The following NDRG1 variants were observed in gnomAD, a reference collection of about 807,000 sequenced individuals.
The protein encoded by NDRG1 is protein NDRG1.
A neutral mutation model predicts 56.9 loss-of-function variants in NDRG1; 32 were observed. The ratio of observed to expected loss-of-function variants is 0.56; its 90% CI spans 0.42 to 0.76. NDRG1 has a LOEUF of 0.76. Ranked by LOEUF, NDRG1 falls within the 30% of genes least tolerant of loss-of-function variation. NDRG1 has a pLI of 0.00. For missense variants in NDRG1, 507 were observed against 545.7 expected, an observed-to-expected ratio of 0.93 and a Z score of 0.71; for synonymous variants, 211 against 204.1, an observed-to-expected ratio of 1.03 and a Z score of -0.29.
At chr8:133,244,731 AG>A in intron 13 of NDRG1, 1 of 472,748 alleles carries the variant, frequency 2.1e-6, no homozygotes. Context: ...GGGACTCGCA[AG>A]GTTCCAGGCC....
At chr8:133,289,108 G>T (rs955916424) in intron 1 of NDRG1, among the ~76,000 whole-genome samples, 2 of 152,104 alleles carry the variant, frequency 1.3e-5, no homozygotes, top group Non-Finnish European at 2.9e-5. Context: ...GAGAGACAGG[G>T]TCTTGCTATG....
intron 14 of NDRG1, among the ~76,000 whole-genome samples, 176 bp from the exon 15 acceptor site, chr8:133,242,250 C>T (rs747109238): frequency 6.6e-6 from 1 of 152,198 alleles, no homozygotes; most frequent in African/African-American, 2.4e-5. Flanking sequence ...ATGGGAAATT[C>T]ACCCCACAGC....
chr8:133,278,582 AGGCAGAGCTAGG>A (rs1857589297), intron 3 of NDRG1, among the ~76,000 whole-genome samples: 3 of 152,162 alleles, frequency 2.0e-5, no homozygotes, highest in Admixed American at 6.5e-5. Flanking sequence ...CTTCCTGGTC[AGGCAGAGCTAGG>A]TGTGGCTCCC....
At chr8:133,273,074 G>T (rs1857274952) in intron 3 of NDRG1, among the ~76,000 whole-genome samples, 1 of 152,176 alleles carries the variant, frequency 6.6e-6, no homozygotes, top group Non-Finnish European at 1.5e-5. Flanking sequence ...CCAGAGCCCT[G>T]CCCGGCCCTG....
At chr8:133,262,781 CT>C (rs1341594422) in intron 4 of NDRG1, among the ~76,000 whole-genome samples, 2 of 152,178 alleles carry the variant, frequency 1.3e-5, no homozygotes, top group Admixed American at 1.3e-4. Flanking sequence ...GGCCGATAGC[CT>C]GTGACCGTCA....
At chr8:133,287,660 C>G (rs956883076) in intron 1 of NDRG1, among the ~76,000 whole-genome samples, 29 of 152,206 alleles carry the variant, frequency 1.9e-4, no homozygotes, top group Non-Finnish European at 5.9e-5. Flanking sequence ...ATCCTCAGCT[C>G]AGCACTGCTG....
chr8:133,278,703 GCTGGCAAGCTCTCAGCACAGCAC>G (rs1857597068), intron 3 of NDRG1, among the ~76,000 whole-genome samples: 1 of 152,060 alleles, frequency 6.6e-6, no homozygotes, highest in Non-Finnish European at 1.5e-5. Context: ...TGAGATATTG[GCTGGCAAGCTCTCAGCACAGCAC>G]CTGGCAGGTA....
At chr8:133,248,810 C>T (rs200758260) in intron 10 of NDRG1, 39 bp from the exon 11 acceptor site, 6 of 1,613,070 alleles carry the variant, frequency 3.7e-6, no homozygotes, top group African/African-American at 1.3e-5. Flanking sequence ...GAGGACCCCT[C>T]CCCTGGAGAA....
At chr8:133,289,563 A>C (rs1446458376) in intron 1 of NDRG1, among the ~76,000 whole-genome samples, 1 of 152,192 alleles carries the variant, frequency 6.6e-6, no homozygotes, top group Non-Finnish European at 1.5e-5. Flanking sequence ...AAGAGGGGCT[A>C]CACAAATACC....
intron 3 of NDRG1, among the ~76,000 whole-genome samples, chr8:133,279,649 T>C (rs996620875): frequency 1.3e-5 from 2 of 152,180 alleles, no homozygotes; most frequent in Non-Finnish European, 2.9e-5. Context: ...CAGCACAGCA[T>C]GGGACCCACC....
chr8:133,274,510 G>T (rs1389106798), intron 3 of NDRG1, among the ~76,000 whole-genome samples: 2 of 152,208 alleles, frequency 1.3e-5, no homozygotes, highest in Admixed American at 6.5e-5. Context: ...CCCAGGGCAA[G>T]AACTGCCCAG....
chr8:133,296,646 AACCCCTCATCTACAC>A (rs1858781447), intron 1 of NDRG1: 2 of 344,486 alleles, frequency 5.8e-6, no homozygotes, highest in Admixed American at 5.6e-5. Context: ...CACCTCTACC[AACCCCTCATCTACAC>A]ACTCGCGCGC....
At chr8:133,267,981 G>A (rs1010255836) in intron 3 of NDRG1, among the ~76,000 whole-genome samples, 6 of 152,112 alleles carry the variant, frequency 3.9e-5, no homozygotes, top group East Asian at 1.9e-4. Flanking sequence ...GGCAGCCCCC[G>A]GAGTTGCGAG....
chr8:133,296,230 G>A (rs1458798509), intron 1 of NDRG1, among the ~76,000 whole-genome samples: 1 of 151,852 alleles, frequency 6.6e-6, no homozygotes, highest in Non-Finnish European at 1.5e-5. Context: ...GGGCAGGAGC[G>A]GCCAGCACCA....
rs1858831157 is a variant in NDRG1, at chr8:133,297,177, C to A, written c.-62G>T. On this transcript the variant is annotated 5_prime_UTR_variant, in exon 1 of 16. Coordinates refer to ENST00000323851, the MANE Select transcript of NDRG1 (RefSeq NM_006096.4). ...GAAAGGACGGTGCCGAGGCTGGCGGCCCAGCGCCCCGCGGAAGCCGAGGGC... is the reference window on the plus strand; with the variant it reads ...GAAAGGACGGTGCCGAGGCTGGCGGACCAGCGCCCCGCGGAAGCCGAGGGC... 1 of 152,314 alleles carries A rather than the reference C, an allele frequency of 6.6e-6. No homozygotes were observed. Among genetic ancestry groups the A allele is most frequent in the African/African-American group, 2.4e-5 (1 of 41,460 alleles). 9.4% of individuals were successfully genotyped at this position (152,314 alleles called of 1,614,324 possible). A position where few individuals can be genotyped will look rare whatever the true frequency, so the allele number is the denominator to read the frequency against.
intron 15 of NDRG1, among the ~76,000 whole-genome samples, chr8:133,241,681 T>C (rs1855389923): frequency 6.6e-6 from 1 of 152,228 alleles, no homozygotes; most frequent in Non-Finnish European, 1.5e-5. Context: ...CTGTAGCTAG[T>C]GGTCTCTTAA....
chr8:133,282,814 C>A (rs1857888867), intron 2 of NDRG1, among the ~76,000 whole-genome samples: 1 of 152,184 alleles, frequency 6.6e-6, no homozygotes, highest in Non-Finnish European at 1.5e-5. Context: ...CTATTTGACC[C>A]TTTGCAGAAA....
At chr8:133,280,573 G>A (rs915186925) in intron 2 of NDRG1, among the ~76,000 whole-genome samples, 7 of 151,922 alleles carry the variant, frequency 4.6e-5, no homozygotes, top group African/African-American at 1.5e-4. Flanking sequence ...ACAGGTGCCC[G>A]CCACCACGCC....
chr8:133,259,938 C>T (rs1004311246), intron 5 of NDRG1, among the ~76,000 whole-genome samples: 3 of 152,104 alleles, frequency 2.0e-5, no homozygotes, highest in Non-Finnish European at 2.9e-5. Flanking sequence ...ATGAGTAAAG[C>T]GTGTGGGCAG....
Sources: gnomAD v4.1 joint callset for allele counts (sites outside exome capture counted in the v4.1 genomes callset) on GRCh38, gnomAD v4.1.1 for gene constraint, MANE v1.5 for transcripts, NCBI Gene and HGNC (gene_info 2026-07-23, HGNC 2026-07-21) for gene names.